The following AFF3 variants were observed in gnomAD, a reference collection of about 807,000 sequenced individuals.
AFF3 encodes the protein ALF transcription elongation factor 3, also known as AF4/FMR2 family member 3.
A neutral mutation model predicts 129.7 loss-of-function variants in AFF3; 32 were observed. The ratio of observed to expected loss-of-function variants is 0.25; its 90% CI spans 0.19 to 0.33. The LOEUF (loss-of-function observed/expected upper bound fraction) is 0.33, where lower values mean the gene tolerates loss of function less well. AFF3 is among the 10% of genes least tolerant of loss of function. The probability of loss-of-function intolerance (pLI) is 1.00; values close to 1 mark genes in which losing one functional copy is unlikely to be tolerated. For missense variants in AFF3, 1,373 were observed against 1,592.0 expected (o/e 0.86, Z 2.34); for synonymous variants, 644 against 635.4 (o/e 1.01, Z -0.20).
intron 1 of AFF3, among the ~76,000 whole-genome samples, chr2:100,134,400 A>T (rs1012266414): frequency 2.0e-5 from 3 of 152,182 alleles, no homozygotes; most frequent in Non-Finnish European, 4.4e-5. Context: ...AATTTATTTG[A>T]CAGAGCTCCT....
intron 8 of AFF3, among the ~76,000 whole-genome samples, chr2:99,833,483 G>A (rs1396752517): frequency 6.6e-6 from 1 of 152,192 alleles, no homozygotes; most frequent in Non-Finnish European, 1.5e-5. Flanking sequence ...AATCTGCTCA[G>A]ATGTTACACT....
At chr2:99,822,400 T>C (rs1250443157) in intron 8 of AFF3, among the ~76,000 whole-genome samples, 1 of 152,108 alleles carries the variant, frequency 6.6e-6, no homozygotes, top group Non-Finnish European at 1.5e-5. Context: ...CCAAACCAAA[T>C]TTATTGCTGA....
At chr2:100,005,672 T>C (rs940063643) in intron 7 of AFF3, among the ~76,000 whole-genome samples, 2 of 152,226 alleles carry the variant, frequency 1.3e-5, no homozygotes, top group African/African-American at 2.4e-5. Flanking sequence ...ACAAAACCAG[T>C]GTAAACATCT....
intron 4 of AFF3, among the ~76,000 whole-genome samples, chr2:100,031,262 A>G (rs1684465348): frequency 6.6e-6 from 1 of 152,236 alleles, no homozygotes; most frequent in South Asian, 2.1e-4. Context: ...AAGTAAATAG[A>G]TGGTGAATAA....
chr2:99,569,455 C>G (rs551892285), intron 18 of AFF3, among the ~76,000 whole-genome samples: 1 of 152,104 alleles, frequency 6.6e-6, no homozygotes, highest in African/African-American at 2.4e-5. Flanking sequence ...TGATTACATT[C>G]CAGTTGTAAT....
chr2:99,650,027 G>A (rs1685091436), intron 12 of AFF3, among the ~76,000 whole-genome samples: 1 of 152,026 alleles, frequency 6.6e-6, no homozygotes, highest in Non-Finnish European at 1.5e-5. Context: ...TTTCCTATAA[G>A]AAAACAAAAA....
At chr2:99,971,877 A>G (rs534608456) in intron 7 of AFF3, among the ~76,000 whole-genome samples, 1 of 152,324 alleles carries the variant, frequency 6.6e-6, no homozygotes, top group East Asian at 1.9e-4. Flanking sequence ...GCTTTATGGC[A>G]GAAAAAAAAG....
intron 4 of AFF3, among the ~76,000 whole-genome samples, chr2:100,054,089 C>A (rs2105167609): frequency 6.6e-6 from 1 of 152,244 alleles, no homozygotes; most frequent in East Asian, 1.9e-4. Context: ...AGGTCATTAA[C>A]ACAACCTCTA....
chr2:99,806,745 G>A (rs928078483), intron 8 of AFF3, among the ~76,000 whole-genome samples: 1 of 152,160 alleles, frequency 6.6e-6, no homozygotes, highest in Non-Finnish European at 1.5e-5. Flanking sequence ...TCCTCTTAAT[G>A]CATCTTTGTT....
chr2:99,652,112 A>G (rs566617878), intron 12 of AFF3, among the ~76,000 whole-genome samples: 1 of 152,248 alleles, frequency 6.6e-6, no homozygotes, highest in East Asian at 1.9e-4. Flanking sequence ...CTGCTGAGTA[A>G]ATGTTAGAGG....
At chr2:99,584,891 C>T (rs765304983) in intron 16 of AFF3, among the ~76,000 whole-genome samples, 6 of 152,212 alleles carry the variant, frequency 3.9e-5, no homozygotes, top group African/African-American at 7.2e-5. Context: ...ATTTCCTTAG[C>T]TGGTGGTCAC....
chr2:99,635,184 GATAT>G (rs991881865), intron 13 of AFF3, among the ~76,000 whole-genome samples: 1 of 147,420 alleles, frequency 6.8e-6, no homozygotes, highest in Admixed American at 6.8e-5. Flanking sequence ...CTCTATATAT[GATAT>G]ATACACATCT....
chr2:99,790,016 T>C lies in AFF3; in HGVS notation c.922-37715A>G, dbSNP rs542859000. The stretch of plus-strand genomic sequence containing the variant: ...TGATGGCAGCTCCTGCAAAAATAAA[T>C]GCAAAGTGATTGCTCATCAGAAAAT... On this transcript the variant is annotated intron_variant, in intron 8 of 24. Transcript: ENST00000672756. 2.0e-4 allele frequency among the ~76,000 whole-genome samples: 31 copies of C among 152,330 alleles called. No individual in the cohort carries two copies. The East Asian group carries it at 6.0e-3, about 29-fold the overall frequency.
chr2:99,711,358 T>C (rs976031044), intron 11 of AFF3, among the ~76,000 whole-genome samples: 23 of 152,266 alleles, frequency 1.5e-4, no homozygotes, highest in African/African-American at 5.3e-4. Flanking sequence ...GATGTAATAA[T>C]GTAATAATAC....
chr2:99,593,831 G>A lies in AFF3; in HGVS notation c.1830C>T (p.Ala610=), dbSNP rs776225903. ...ANCHRPEEPA[A]ADALGTSVVV... The stretch of plus-strand genomic sequence containing the variant: ...CCACGCTCGTCCCCAGCGCGTCCGC[G>A]GCCGCGGGCTCCTCGGGCCGGTGGC... The change falls in exon 15 of 25, where the codon GCC becomes GCT. Residue 610 remains alanine (A), a synonymous_variant. Transcript: ENST00000672756. The A allele has an allele frequency of 6.9e-6, 11 of 1,604,614 alleles. No individual in the cohort carries two copies. Among genetic ancestry groups the A allele is most frequent in the Non-Finnish European group, 9.3e-6 (11 of 1,176,498 alleles).
intron 7 of AFF3, among the ~76,000 whole-genome samples, chr2:99,857,400 G>T (rs1205821418): frequency 2.0e-5 from 3 of 152,126 alleles, no homozygotes; most frequent in Non-Finnish European, 4.4e-5. Flanking sequence ...GATTCTGTAT[G>T]ATTTAGTTTT....
At chr2:99,927,937 G>C (rs1053777146) in intron 7 of AFF3, among the ~76,000 whole-genome samples, 6 of 152,110 alleles carry the variant, frequency 3.9e-5, no homozygotes, top group Non-Finnish European at 5.9e-5. Flanking sequence ...AGGGACAGGT[G>C]TTTCCCGTGC....
chr2:99,953,425 C>A (rs979733600), intron 7 of AFF3, among the ~76,000 whole-genome samples: 15 of 152,134 alleles, frequency 9.9e-5, no homozygotes, highest in African/African-American at 3.4e-4. Flanking sequence ...TGTGCATTTC[C>A]CTTCCTTTGT....
At chr2:99,572,293 A>ACG (rs1676550245) in intron 18 of AFF3, among the ~76,000 whole-genome samples, 1 of 43,194 alleles carries the variant, frequency 2.3e-5, no homozygotes, top group African/African-American at 9.8e-5. Context: ...CCCTCCCACC[A>ACG]CCCCCCCCCC....
Sources: gnomAD v4.1 joint callset for allele counts (sites outside exome capture counted in the v4.1 genomes callset) on GRCh38, gnomAD v4.1.1 for gene constraint, MANE v1.5 for transcripts, NCBI Gene and HGNC (gene_info 2026-07-23, HGNC 2026-07-21) for gene names.